Variants in CELF2 observed in about 807,000 individuals in gnomAD.
CELF2 encodes the protein CUG triplet repeat RNA-binding protein 2.
In CELF2, 8 loss-of-function variants were observed where a neutral mutation model predicts 62.6. That is an observed-to-expected ratio of 0.13 (90% CI 0.07 to 0.23). The LOEUF (loss-of-function observed/expected upper bound fraction) is 0.23. Among genes scored for constraint, CELF2 ranks in the 10% least tolerant of loss-of-function variants. CELF2 has a pLI of 1.00. For missense variants in CELF2, 333 were observed against 671.0 expected (o/e 0.50, Z 5.56); for synonymous variants, 258 against 250.0 (o/e 1.03, Z -0.30).
chr10:10,522,872 C>A, the CELF2 span, among the ~76,000 whole-genome samples: 3 of 152,114 alleles, frequency 2.0e-5, no homozygotes, highest in Non-Finnish European at 4.4e-5. Flanking sequence ...GTCTGGCCAC[C>A]AGAAGGTTAC....
Position 11,285,594 on chromosome 10 carries a change from C to T in CELF2, c.842-2824C>T, listed in dbSNP as rs1014545194. On this transcript the variant is annotated intron_variant, in intron 8 of 12. Transcript: ENST00000633077. This position sits in a 1 kb window ranked among gnomAD's most constrained non-coding sequence, Gnocchi z 4.3. ...GTCAGTGGGTGAGAGAAGGACTAAACATGGGCCCTAGTAAGTATCTGTACA... is the reference window on the plus strand; with the variant it reads ...GTCAGTGGGTGAGAGAAGGACTAAATATGGGCCCTAGTAAGTATCTGTACA... Among the ~76,000 whole-genome samples the T allele has an allele frequency of 2.6e-5, 4 of 152,178 alleles. No individual in the cohort carries two copies. The highest frequency in any genetic ancestry group is 7.2e-5 in the African/African-American group (3 of 41,434).
At chr10:11,277,406 C>T (rs894028736) in intron 8 of CELF2, among the ~76,000 whole-genome samples, 1 of 152,210 alleles carries the variant, frequency 6.6e-6, no homozygotes, top group Non-Finnish European at 1.5e-5. Flanking sequence ...AGAGCCCTTT[C>T]CTCCCTTCCC....
the CELF2 span, among the ~76,000 whole-genome samples, chr10:10,740,443 T>C: frequency 6.6e-6 from 1 of 152,052 alleles, no homozygotes; most frequent in Non-Finnish European, 1.5e-5. Context: ...AGGGAACTCT[T>C]ATACACAGTT....
chr10:11,096,174 A>G (rs117890734), intron 1 of CELF2: 1 of 152,368 alleles, frequency 6.6e-6, no homozygotes, highest in East Asian at 1.9e-4. Context: ...AAGCTTAAAT[A>G]ATGCATTTCA....
the CELF2 span, among the ~76,000 whole-genome samples, chr10:10,700,788 C>G: frequency 6.6e-6 from 1 of 152,232 alleles, no homozygotes; most frequent in African/African-American, 2.4e-5. Context: ...CTTCACCTCT[C>G]TCTCTTCAGA....
chr10:11,028,188 C>A (rs1033025594), intron 1 of CELF2, among the ~76,000 whole-genome samples: 2 of 152,150 alleles, frequency 1.3e-5, no homozygotes, highest in East Asian at 3.9e-4. Context: ...CAATGAAGTT[C>A]ATGTTCCTTC....
chr10:10,676,977 C>A, the CELF2 span, among the ~76,000 whole-genome samples: 1 of 152,172 alleles, frequency 6.6e-6, no homozygotes, highest in African/African-American at 2.4e-5. Flanking sequence ...GAACTAAATA[C>A]TTAACCTTTA....
intron 1 of CELF2, among the ~76,000 whole-genome samples, chr10:11,070,056 AC>A (rs1278663376): frequency 6.6e-6 from 1 of 152,244 alleles, no homozygotes; most frequent in Non-Finnish European, 1.5e-5. Flanking sequence ...TTAAGTTATC[AC>A]TAATGTTTCC....
chr10:10,674,526 C>T, the CELF2 span, among the ~76,000 whole-genome samples: 291 of 152,258 alleles, frequency 1.9e-3, no homozygotes, highest in African/African-American at 6.4e-3. Flanking sequence ...AAATCATTAT[C>T]AATATAATTG....
chr10:10,805,226 G>T (rs539220873), intron 1 of CELF2, among the ~76,000 whole-genome samples: 2 of 152,190 alleles, frequency 1.3e-5, no homozygotes, highest in Non-Finnish European at 2.9e-5. Flanking sequence ...CATACAACAG[G>T]TGTGGAGCCC....
At chr10:11,038,494 C>G (rs917329784) in intron 1 of CELF2, among the ~76,000 whole-genome samples, 5 of 152,040 alleles carry the variant, frequency 3.3e-5, no homozygotes, top group Admixed American at 2.6e-4. Context: ...TGAAGTTAAT[C>G]CTATTAGACA....
At position 11,330,863 on chromosome 10, in the gene CELF2, G is replaced by A. The variant is rs1008184163; in HGVS notation, c.*1810G>A. 1.3e-5 allele frequency: 2 copies of A among 152,486 alleles called. No individual in the cohort carries two copies. The highest frequency in any genetic ancestry group is 2.1e-4 in the South Asian group (1 of 4,814). The allele number at this position is 152,486 out of a possible 1,614,324, so 9.4% of individuals were successfully genotyped here. On this transcript the variant is annotated 3_prime_UTR_variant, in exon 13 of 13. Transcript: ENST00000633077. The surrounding 1 kb of genome is among the most constrained non-coding windows in gnomAD (Gnocchi z 4.5). ...GGACACAGAATGTTGGTTTCTAACA[G>A]ACTACTTCCAAAAACAGTTTGAGAA...
chr10:11,107,864 A>ACCATCTCCTCCCTTCTC (rs749655360), intron 1 of CELF2, among the ~76,000 whole-genome samples: 1,696 of 68,202 alleles, frequency 0.025, 29 homozygotes, highest in Non-Finnish European at 0.04. Flanking sequence ...CATCCCTTCT[A>ACCATCTCCTCCCTTCTC]CCATCTCCTC....
chr10:11,055,865 GC>G (rs2065128328), intron 1 of CELF2, among the ~76,000 whole-genome samples: 1 of 152,142 alleles, frequency 6.6e-6, no homozygotes, highest in African/African-American at 2.4e-5. Flanking sequence ...AGTCCCAACT[GC>G]TGTATTATTT....
intron 1 of CELF2, among the ~76,000 whole-genome samples, chr10:10,860,267 G>A (rs1229679166): frequency 6.6e-6 from 1 of 152,142 alleles, no homozygotes; most frequent in East Asian, 1.9e-4. Context: ...GAAAGAACAA[G>A]ATTAAAAATG....
At chr10:11,093,872 T>C (rs1284691965) in intron 1 of CELF2, among the ~76,000 whole-genome samples, 3 of 152,228 alleles carry the variant, frequency 2.0e-5, no homozygotes, top group African/African-American at 7.2e-5. Flanking sequence ...GGCTTCAGAT[T>C]GTATCTCTAC....
the CELF2 span, among the ~76,000 whole-genome samples, chr10:10,782,112 G>T: frequency 6.6e-6 from 1 of 152,092 alleles, no homozygotes; most frequent in Non-Finnish European, 1.5e-5. Flanking sequence ...TCCAATTTTG[G>T]TATTCATGGG....
Position 10,947,478 on chromosome 10 carries a change from A to G in CELF2, c.89+27479A>G, listed in dbSNP as rs1449781726. The G allele has an allele frequency of 6.5e-6, 1 of 152,674 alleles. No homozygotes were observed. The highest frequency in any genetic ancestry group is 2.4e-5 in the African/African-American group (1 of 41,472). 9.5% of individuals were successfully genotyped at this position (152,674 alleles called of 1,614,324 possible). On this transcript the variant is annotated intron_variant, in intron 2 of 13. Coordinates refer to the CELF2 transcript ENST00000636488. This position sits in a 1 kb window ranked among gnomAD's most constrained non-coding sequence, Gnocchi z 4.1. ...TATGAAGGCAGGAATAGAAGGTAGCATGAAACATCATTTGTAACTGGTGAT... is the reference window on the plus strand; with the variant it reads ...TATGAAGGCAGGAATAGAAGGTAGCGTGAAACATCATTTGTAACTGGTGAT...
intron 1 of CELF2, among the ~76,000 whole-genome samples, chr10:10,855,567 A>G (rs2059655862): frequency 1.3e-5 from 2 of 152,230 alleles, no homozygotes; most frequent in African/African-American, 2.4e-5. Flanking sequence ...CTTAGCTACC[A>G]GACTTATTTT....
Sources: allele counts gnomAD v4.1 joint callset (sites outside exome capture counted in the v4.1 genomes callset), GRCh38; gene constraint gnomAD v4.1.1; non-coding constraint Gnocchi (gnomAD v3.1); transcripts MANE v1.5; gene names NCBI Gene and HGNC (gene_info 2026-07-23, HGNC 2026-07-21).